Variants in CFAP47 observed in about 807,000 individuals in gnomAD.
CFAP47 encodes cilia and flagella associated protein 47, also known as cilia- and flagella-associated protein 47.
In CFAP47, 29 loss-of-function variants were observed where a neutral mutation model predicts 148.1. That is an observed-to-expected ratio of 0.20 (90% CI 0.15 to 0.27). CFAP47 has a LOEUF of 0.27. Ranked by LOEUF, CFAP47 falls within the 10% of genes least tolerant of loss-of-function variation. The probability of loss-of-function intolerance (pLI) is 1.00; values close to 1 mark genes in which losing one functional copy is unlikely to be tolerated. For missense variants in CFAP47, 1,872 were observed against 1,697.5 expected, an observed-to-expected ratio of 1.10 and a Z score of -1.81; for synonymous variants, 664 against 577.3, an observed-to-expected ratio of 1.15 and a Z score of -2.15.
chrX:36,071,974 A>G lies in CFAP47; in HGVS notation c.4465+3A>G, dbSNP rs1048077826. 2 of 1,192,317 alleles carry G rather than the reference A, an allele frequency of 1.7e-6. No homozygotes were observed. The highest frequency in any genetic ancestry group is 2.3e-6 in the Non-Finnish European group (2 of 882,824). ...TGCAAAGGGAAACTTATTTATTGGT[A>G]TGTAGCAAATATATAGTGTACTTTC... is the stretch of plus-strand genomic sequence containing the variant. On this transcript the variant is annotated splice_donor_region_variant and intron_variant, in intron 28 of 63. Transcript: ENST00000378653.
intron 60 of CFAP47, among the ~76,000 whole-genome samples, chrX:36,359,475 AT>A (rs1275239425): frequency 1.8e-5 from 2 of 112,023 alleles, no homozygotes; most frequent in African/African-American, 6.5e-5. Flanking sequence ...TCATTAACTA[AT>A]TTTTTGTGGC....
chrX:36,054,242 A>C (rs989209363), intron 26 of CFAP47, among the ~76,000 whole-genome samples: 1 of 111,824 alleles, frequency 8.9e-6, no homozygotes. Flanking sequence ...TTTCTCACCT[A>C]TTTGTAAATC....
chrX:36,135,557 A>T (rs1939029775), intron 33 of CFAP47, among the ~76,000 whole-genome samples: 1 of 111,939 alleles, frequency 8.9e-6, no homozygotes, highest in African/African-American at 3.2e-5. Context: ...ACAAGACTAC[A>T]TATTGATATT....
At chrX:36,215,330 A>C (rs1400861204) in intron 45 of CFAP47, among the ~76,000 whole-genome samples, 3 of 111,458 alleles carry the variant, frequency 2.7e-5, no homozygotes, top group Admixed American at 1.9e-4. Context: ...CTGTTTGCTA[A>C]ACTTTACTCC....
At chrX:35,966,351 T>A (rs80087157) in intron 8 of CFAP47, among the ~76,000 whole-genome samples, 1 of 105,517 alleles carries the variant, frequency 9.5e-6, no homozygotes, top group Non-Finnish European at 1.9e-5. Flanking sequence ...TTAAGAAAAA[T>A]AAAAAATTTT....
intron 22 of CFAP47, 96 bp from the exon 23 acceptor site, chrX:36,031,157 A>G (rs918270402): frequency 2.3e-4 from 62 of 264,917 alleles, no homozygotes; most frequent in Middle Eastern, 1.0e-3. Context: ...AACAAATCTT[A>G]TTTTCTTATT....
At chrX:36,298,885 T>C (rs1266470618) in intron 51 of CFAP47, 92 bp from the exon 52 acceptor site, 1 of 523,127 alleles carries the variant, frequency 1.9e-6, no homozygotes, top group African/African-American at 2.4e-5. Context: ...TGGCCTTATA[T>C]TATGTAATAA....
chrX:36,096,820 A>G (rs1202895171), intron 30 of CFAP47, among the ~76,000 whole-genome samples: 1 of 110,973 alleles, frequency 9.0e-6, no homozygotes, highest in Non-Finnish European at 1.9e-5. Flanking sequence ...TTGATTTAAT[A>G]CTTTAGTCCA....
chrX:36,271,457 A>G (rs975293093), intron 49 of CFAP47, among the ~76,000 whole-genome samples: 4 of 111,629 alleles, frequency 3.6e-5, no homozygotes, highest in African/African-American at 1.3e-4. Flanking sequence ...ACCCATTACT[A>G]TGGAAACTGG....
intron 6 of CFAP47, among the ~76,000 whole-genome samples, chrX:35,952,334 A>G (rs6632428): frequency 0.19 from 20,920 of 110,743 alleles, 1,676 homozygotes; most frequent in African/African-American, 0.29. Context: ...AGGATGCAAT[A>G]CTTCTGGCAG....
chrX:36,059,532 T>C (rs1937578200), intron 26 of CFAP47, among the ~76,000 whole-genome samples: 1 of 112,087 alleles, frequency 8.9e-6, no homozygotes, highest in Non-Finnish European at 1.9e-5. Flanking sequence ...GCTGTACTTA[T>C]TGCATTACAG....
chrX:36,011,504 A>T (rs768988052), intron 21 of CFAP47, among the ~76,000 whole-genome samples: 1 of 111,810 alleles, frequency 8.9e-6, no homozygotes, highest in African/African-American at 3.2e-5. Flanking sequence ...GCATGTCTCA[A>T]CCATAATATT....
At chrX:36,205,673 T>C (rs1378758466) in intron 45 of CFAP47, among the ~76,000 whole-genome samples, 4 of 111,837 alleles carry the variant, frequency 3.6e-5, no homozygotes, top group Non-Finnish European at 5.7e-5. Flanking sequence ...ATATGAATAT[T>C]GATATACTAG....
intron 46 of CFAP47, among the ~76,000 whole-genome samples, chrX:36,231,259 C>A (rs1555992558): frequency 9.2e-6 from 1 of 108,892 alleles, no homozygotes. Flanking sequence ...GAATGTTCTT[C>A]CATTTGTTTG....
rs745310790 is a variant in CFAP47 at position 36,075,320 on chromosome X, C to T, written c.4691+1956C>T. Among the ~76,000 whole-genome samples the T allele has an allele frequency of 1.3e-4, 14 of 109,715 alleles. No homozygotes were observed. The South Asian group carries it at 4.3e-3, about 33-fold the overall frequency. On this transcript the variant is annotated intron_variant, in intron 29 of 63. Transcript: ENST00000378653. ...TCGGCTAACTGCAACCTCCGCTTCC[C>T]GGGCTCAAGCAGTTCTTCTGCCTCA...
chrX:36,139,022 TA>T (rs1939095780), intron 35 of CFAP47, among the ~76,000 whole-genome samples: 1 of 111,422 alleles, frequency 9.0e-6, no homozygotes, highest in Non-Finnish European at 1.9e-5. Context: ...TTAGGGGCAA[TA>T]AAATGGTAAA....
rs183047179 is a variant in CFAP47, at chrX:36,102,157, A to G, written c.5127+2278A>G. On this transcript the variant is annotated intron_variant, in intron 32 of 63. Coordinates refer to ENST00000378653, the MANE Select transcript of CFAP47 (RefSeq NM_001304548.2). Reference sequence around the variant, plus strand: ...TAACAAAAATGAAAGATAATTCGAAACAATGTTTTCTGAGGGCATGAAAGA... The same window carrying G: ...TAACAAAAATGAAAGATAATTCGAAGCAATGTTTTCTGAGGGCATGAAAGA... 6.8e-3 allele frequency among the ~76,000 whole-genome samples: 765 copies of G among 111,819 alleles called. 3 individuals are homozygous for G. The highest frequency in any genetic ancestry group is 0.022 in the African/African-American group (689 of 30,809).
intron 37 of CFAP47, among the ~76,000 whole-genome samples, chrX:36,155,613 G>T (rs1725909940): frequency 9.0e-6 from 1 of 111,276 alleles, no homozygotes; most frequent in African/African-American, 3.3e-5. Context: ...TTGTGGTTTA[G>T]AACTCCTCTT....
At chrX:36,367,625 C>T (rs782791542) in intron 62 of CFAP47, among the ~76,000 whole-genome samples, 2 of 111,701 alleles carry the variant, frequency 1.8e-5, no homozygotes, top group Non-Finnish European at 3.8e-5. Flanking sequence ...GCATACATAA[C>T]GTAAAATTCA....
Sources: gnomAD v4.1 joint callset for allele counts (sites outside exome capture counted in the v4.1 genomes callset) on GRCh38, gnomAD v4.1.1 for gene constraint, MANE v1.5 for transcripts, NCBI Gene and HGNC (gene_info 2026-07-23, HGNC 2026-07-21) for gene names.